CCDC6: variants seen among roughly 807,000 people sequenced by gnomAD.
CCDC6 encodes coiled-coil domain containing 6, also known as coiled-coil domain-containing protein 6.
CCDC6 carries 20 observed loss-of-function variants against 56.6 expected under a neutral mutation model. The observed-to-expected ratio is 0.35, with a 90% CI of 0.25 to 0.51. CCDC6 has a LOEUF of 0.51. Ranked by LOEUF, CCDC6 falls within the 20% of genes least tolerant of loss-of-function variation. CCDC6 has a pLI of 0.95. For synonymous variants in CCDC6, 241 were observed against 234.4 expected (o/e 1.03, Z -0.26); for missense variants, 367 against 601.1 (o/e 0.61, Z 4.07).
At chr10:59,825,077 G>T (rs4948368) in intron 3 of CCDC6, among the ~76,000 whole-genome samples, 47,218 of 152,054 alleles carry the variant, frequency 0.31, 7,794 homozygotes, top group Non-Finnish European at 0.36. Flanking sequence ...TAGCATGAAT[G>T]GAATTCTAAA....
intron 3 of CCDC6, among the ~76,000 whole-genome samples, chr10:59,823,550 TG>T (rs1372681545): frequency 6.6e-6 from 1 of 152,238 alleles, no homozygotes; most frequent in Non-Finnish European, 1.5e-5. Context: ...AAGACTTTGT[TG>T]TCTCCCAACC....
At chr10:59,816,918 T>C (rs1000184524) in intron 3 of CCDC6, among the ~76,000 whole-genome samples, 10 of 152,190 alleles carry the variant, frequency 6.6e-5, no homozygotes, top group Non-Finnish European at 1.5e-4. Context: ...CTTCAAAATA[T>C]GTTGTTTTTG....
intron 2 of CCDC6, among the ~76,000 whole-genome samples, chr10:59,850,719 G>C (rs1030386125): frequency 1.3e-5 from 2 of 151,610 alleles, no homozygotes; most frequent in Non-Finnish European, 2.9e-5. Context: ...TCTTGACCAA[G>C]AACTACTGTT....
chr10:59,876,959 A>G (rs1203289664), intron 1 of CCDC6, among the ~76,000 whole-genome samples: 1 of 152,222 alleles, frequency 6.6e-6, no homozygotes, highest in Non-Finnish European at 1.5e-5. Flanking sequence ...CACCTAGGCT[A>G]TGTGGTATGG....
chr10:59,812,363 A>G (rs1007470623), intron 5 of CCDC6, among the ~76,000 whole-genome samples: 4 of 152,136 alleles, frequency 2.6e-5, no homozygotes, highest in African/African-American at 4.8e-5. Flanking sequence ...ATGGCAGAGA[A>G]GATTAAAAAT....
chr10:59,859,907 A>G (rs2071113604), intron 1 of CCDC6, among the ~76,000 whole-genome samples: 1 of 151,946 alleles, frequency 6.6e-6, no homozygotes, highest in African/African-American at 2.4e-5. Flanking sequence ...TGTGGCGAAA[A>G]CCCATTACTA....
At chr10:59,796,086 C>T (rs1365039505) in intron 7 of CCDC6, among the ~76,000 whole-genome samples, 5 of 152,188 alleles carry the variant, frequency 3.3e-5, no homozygotes, top group African/African-American at 1.2e-4. Context: ...AGTTTACAGT[C>T]CCACCAACAG....
At chr10:59,844,296 G>GATA (rs1373852728) in intron 2 of CCDC6, among the ~76,000 whole-genome samples, 1 of 151,956 alleles carries the variant, frequency 6.6e-6, no homozygotes, top group African/African-American at 2.4e-5. Flanking sequence ...ATGGCTTCAG[G>GATA]ATAATATCAG....
intron 3 of CCDC6, among the ~76,000 whole-genome samples, chr10:59,816,278 A>T (rs1214697924): frequency 6.6e-6 from 1 of 152,306 alleles, no homozygotes; most frequent in Non-Finnish European, 1.5e-5. Flanking sequence ...GAAAAAAAGG[A>T]GGTCTCAAAC....
intron 2 of CCDC6, among the ~76,000 whole-genome samples, chr10:59,847,097 GGATGGAGTGCA>G (rs2070998836): frequency 6.6e-6 from 1 of 151,776 alleles, no homozygotes. Flanking sequence ...CTGTCTCCCA[GGATGGAGTGCA>G]GTGGCGCTAT....
At chr10:59,851,318 A>G (rs558817696) in intron 2 of CCDC6, among the ~76,000 whole-genome samples, 4 of 152,014 alleles carry the variant, frequency 2.6e-5, no homozygotes, top group Non-Finnish European at 4.4e-5. Context: ...TTCTCCATCC[A>G]TTTTTCTCTA....
intron 1 of CCDC6, among the ~76,000 whole-genome samples, chr10:59,877,993 G>A (rs2071299314): frequency 6.6e-6 from 1 of 152,160 alleles, no homozygotes; most frequent in African/African-American, 2.4e-5. Context: ...AGTGTTAAGA[G>A]GGTACACAAC....
chr10:59,803,960 T>C (rs2070597735), intron 7 of CCDC6, among the ~76,000 whole-genome samples: 1 of 152,188 alleles, frequency 6.6e-6, no homozygotes, highest in Admixed American at 6.5e-5. Flanking sequence ...ACCCTCTGAA[T>C]TGCTGCTTCC....
chr10:59,837,676 G>A (rs1361943257), intron 2 of CCDC6, among the ~76,000 whole-genome samples: 1 of 148,250 alleles, frequency 6.7e-6, no homozygotes, highest in Non-Finnish European at 1.5e-5. Context: ...AACCTGGGAA[G>A]TGGAGGTTGC....
At chr10:59,797,682 G>GTT (rs1348670348) in intron 7 of CCDC6, among the ~76,000 whole-genome samples, 6 of 112,880 alleles carry the variant, frequency 5.3e-5, no homozygotes, top group Non-Finnish European at 1.0e-4. Context: ...GAGTGAGAGT[G>GTT]TTGTGTGTGT....
At chr10:59,853,933 T>C (rs1436744297) in intron 1 of CCDC6, among the ~76,000 whole-genome samples, 1 of 152,164 alleles carries the variant, frequency 6.6e-6, no homozygotes, top group African/African-American at 2.4e-5. Flanking sequence ...CTAACCATCT[T>C]TGAAGGAAAT....
chr10:59,856,233 C>T (rs955740131), intron 1 of CCDC6, among the ~76,000 whole-genome samples: 4 of 152,052 alleles, frequency 2.6e-5, no homozygotes, highest in African/African-American at 9.7e-5. Flanking sequence ...TTTCCAGGTC[C>T]TCCAAACGTA....
intron 1 of CCDC6, among the ~76,000 whole-genome samples, chr10:59,883,839 G>C (rs944975235): frequency 6.6e-6 from 1 of 152,196 alleles, no homozygotes; most frequent in African/African-American, 2.4e-5. Flanking sequence ...TCTGTATGCA[G>C]TATAAACTGG....
At chr10:59,877,481 G>C (rs186992743) in intron 1 of CCDC6, among the ~76,000 whole-genome samples, 2 of 152,224 alleles carry the variant, frequency 1.3e-5, no homozygotes, top group Non-Finnish European at 2.9e-5. Flanking sequence ...ATACAGCTGG[G>C]GTAGGGTCAG....
Sources: allele counts gnomAD v4.1 joint callset (sites outside exome capture counted in the v4.1 genomes callset), GRCh38; gene constraint gnomAD v4.1.1; transcripts MANE v1.5; gene names NCBI Gene and HGNC (gene_info 2026-07-23, HGNC 2026-07-21).